The following SORCS2 variants were observed in gnomAD, a reference collection of about 807,000 sequenced individuals.
The protein encoded by SORCS2 is sortilin related VPS10 domain containing receptor 2, also known as VPS10 domain-containing receptor SorCS2.
A neutral mutation model predicts 141.6 loss-of-function variants in SORCS2; 100 were observed. That is an observed-to-expected ratio of 0.71 (90% CI 0.60 to 0.83). SORCS2 has a LOEUF of 0.83. Ranked by LOEUF, SORCS2 falls within the 40% of genes least tolerant of loss-of-function variation. The pLI is 0.00. For missense variants in SORCS2, 1,646 were observed against 1,560.2 expected, an observed-to-expected ratio of 1.05 and a Z score of -0.93; for synonymous variants, 789 against 676.9, an observed-to-expected ratio of 1.17 and a Z score of -2.57.
chr4:7,718,258 G>A (rs917086830), intron 18 of SORCS2, 75 bp downstream of exon 18: 47 of 1,519,454 alleles, frequency 3.1e-5, no homozygotes, highest in African/African-American at 8.3e-5. Context: ...CAGAAGGCAC[G>A]GTGAGGGTGT....
intron 3 of SORCS2, among the ~76,000 whole-genome samples, chr4:7,580,096 C>T (rs1716043839): frequency 6.6e-6 from 1 of 152,194 alleles, no homozygotes; most frequent in African/African-American, 2.4e-5. Flanking sequence ...GTAGGCAAAA[C>T]CCAGGCTTAC....
rs1488742608 is a variant in SORCS2, at chr4:7,343,343, C to T, written c.481-52945C>T. Among the ~76,000 whole-genome samples the T allele has an allele frequency of 2.0e-5, 3 of 152,218 alleles. No individual in the cohort carries two copies. The East Asian group carries it at 5.8e-4, about 29-fold the overall frequency. On this transcript the variant is annotated intron_variant, in intron 1 of 26. Transcript: ENST00000507866. Reference sequence around the variant, plus strand: ...GGTTTGGGTTCAGCTTCCTGCCTGACCACTCGCTCAGTGAGTGACACCGGG... The same window carrying T: ...GGTTTGGGTTCAGCTTCCTGCCTGATCACTCGCTCAGTGAGTGACACCGGG...
chr4:7,305,754 G>A (rs1717775400), intron 1 of SORCS2, among the ~76,000 whole-genome samples: 1 of 152,210 alleles, frequency 6.6e-6, no homozygotes, highest in African/African-American at 2.4e-5. Flanking sequence ...GTGGAAGGGA[G>A]GGGTATGCAG....
At chr4:7,413,336 C>G (rs182069854) in intron 2 of SORCS2, among the ~76,000 whole-genome samples, 2 of 149,660 alleles carry the variant, frequency 1.3e-5, no homozygotes, top group Admixed American at 6.6e-5. Context: ...ATTTAGAATT[C>G]CAATTGAATT....
Position 7,600,639 on chromosome 4 carries a change from C to A in SORCS2, c.649-37689C>A, listed in dbSNP as rs370708646. On this transcript the variant is annotated intron_variant, in intron 3 of 26. Transcript: ENST00000507866. Reference sequence around the variant, plus strand: ...TTCCTAGCCTGGCGTTTTTAGATTACGATATACATATATATATACACACAC... The same window carrying A: ...TTCCTAGCCTGGCGTTTTTAGATTAAGATATACATATATATATACACACAC... Among the ~76,000 whole-genome samples the A allele has an allele frequency of 7.3e-4, 94 of 127,990 alleles. No homozygotes were observed. The South Asian group carries it at 0.025, about 34-fold the overall frequency. 84.0% of individuals were successfully genotyped at this position (127,990 alleles called of 152,430 possible). A position where few individuals can be genotyped will look rare whatever the true frequency, so the allele number is the denominator to read the frequency against.
intron 1 of SORCS2, among the ~76,000 whole-genome samples, chr4:7,308,665 A>G (rs1181041734): frequency 1.3e-5 from 2 of 151,522 alleles, no homozygotes; most frequent in African/African-American, 4.9e-5. Flanking sequence ...CTCCTTGCCC[A>G]CCCCACACAT....
At chr4:7,540,311 T>C (rs1214806968) in intron 3 of SORCS2, among the ~76,000 whole-genome samples, 1 of 151,872 alleles carries the variant, frequency 6.6e-6, no homozygotes, top group African/African-American at 2.4e-5. Flanking sequence ...ACCTGAGCTG[T>C]GCATGATGGT....
chr4:7,628,410 T>C (rs1406370817), intron 3 of SORCS2, among the ~76,000 whole-genome samples: 2 of 150,828 alleles, frequency 1.3e-5, no homozygotes, highest in Admixed American at 6.6e-5. Context: ...TCCCAGCTAC[T>C]AGGGAGGCTG....
intron 8 of SORCS2, among the ~76,000 whole-genome samples, chr4:7,671,210 G>A (rs1398561135): frequency 6.6e-6 from 1 of 152,098 alleles, no homozygotes; most frequent in Non-Finnish European, 1.5e-5. Flanking sequence ...TATGGAAAGG[G>A]GACAAGCTAA....
intron 1 of SORCS2, among the ~76,000 whole-genome samples, chr4:7,311,136 A>T (rs926719651): frequency 4.6e-5 from 7 of 151,926 alleles, no homozygotes; most frequent in African/African-American, 1.7e-4. Flanking sequence ...CCTTCCCGCC[A>T]CTATAGATCA....
intron 1 of SORCS2, among the ~76,000 whole-genome samples, chr4:7,296,578 C>T (rs1470618159): frequency 6.6e-6 from 1 of 152,214 alleles, no homozygotes; most frequent in Non-Finnish European, 1.5e-5. Context: ...CTGCGAGGCA[C>T]CGATGGAGGG....
At chr4:7,242,013 G>A (rs1461824552) in intron 1 of SORCS2, among the ~76,000 whole-genome samples, 1 of 152,160 alleles carries the variant, frequency 6.6e-6, no homozygotes. Flanking sequence ...AGAGGCTGCC[G>A]TTTGACTGGC....
At chr4:7,435,017 G>T in intron 2 of SORCS2, 1 of 1,096,020 alleles carries the variant, frequency 9.1e-7, no homozygotes, top group Non-Finnish European at 1.3e-6. Context: ...CTCACACCCT[G>T]TGCCCGGGGA....
At chr4:7,423,828 A>C (rs2109198413) in intron 2 of SORCS2, among the ~76,000 whole-genome samples, 1 of 152,304 alleles carries the variant, frequency 6.6e-6, no homozygotes, top group South Asian at 2.1e-4. Context: ...CAAACAAACA[A>C]ACCCAGCAAC....
intron 3 of SORCS2, among the ~76,000 whole-genome samples, chr4:7,581,165 A>AG (rs1375520814): frequency 3.3e-5 from 5 of 151,586 alleles, no homozygotes; most frequent in Admixed American, 6.6e-5. Context: ...TGAAAAAAAA[A>AG]AAGCTACAAT....
intron 3 of SORCS2, among the ~76,000 whole-genome samples, chr4:7,588,801 A>G (rs1716711735): frequency 1.3e-5 from 2 of 152,234 alleles, no homozygotes; most frequent in Admixed American, 1.3e-4. Context: ...AGTGCAGTGA[A>G]TGCTCACATC....
rs7694368 is a variant in SORCS2 at position 7,274,613 on chromosome 4, G to T, written c.480+81487G>T. On this transcript the variant is annotated intron_variant, in intron 1 of 26. Coordinates refer to ENST00000507866, the MANE Select transcript of SORCS2 (RefSeq NM_020777.3). Reference sequence around the variant, plus strand: ...TCACTATCACAAGAATGGCAGCAACGGGGAGATCTGTCCCCATGATCCAAT... The same window carrying T: ...TCACTATCACAAGAATGGCAGCAACTGGGAGATCTGTCCCCATGATCCAAT... 2.6e-5 allele frequency among the ~76,000 whole-genome samples: 4 copies of T among 152,240 alleles called. No homozygotes were observed. In the South Asian group the frequency reaches 8.3e-4, roughly 32 times the overall value.
At chr4:7,612,036 A>G (rs1718438531) in intron 3 of SORCS2, among the ~76,000 whole-genome samples, 1 of 152,224 alleles carries the variant, frequency 6.6e-6, no homozygotes, top group South Asian at 2.1e-4. Flanking sequence ...GGTGTGGGAC[A>G]GAAGAGGACA....
At chr4:7,539,211 C>G (rs2109574983) in intron 3 of SORCS2, among the ~76,000 whole-genome samples, 1 of 152,314 alleles carries the variant, frequency 6.6e-6, no homozygotes, top group African/African-American at 2.4e-5. Flanking sequence ...GCACAGGGCC[C>G]TGCCCCCCAG....
Sources: gnomAD v4.1 joint callset for allele counts (sites outside exome capture counted in the v4.1 genomes callset) on GRCh38, gnomAD v4.1.1 for gene constraint, MANE v1.5 for transcripts, NCBI Gene and HGNC (gene_info 2026-07-23, HGNC 2026-07-21) for gene names.